FSTL5: variants seen among roughly 807,000 people sequenced by gnomAD.
FSTL5 encodes the protein follistatin like 5.
FSTL5 carries 62 observed loss-of-function variants against 89.1 expected under a neutral mutation model. The observed-to-expected ratio is 0.70, with a 90% CI of 0.57 to 0.86. The LOEUF (loss-of-function observed/expected upper bound fraction) is 0.86, where lower values mean the gene tolerates loss of function less well. Ranked by LOEUF, FSTL5 falls within the 40% of genes least tolerant of loss-of-function variation. FSTL5 has a pLI of 0.00. For missense variants in FSTL5, 1,057 were observed against 1,001.6 expected, an observed-to-expected ratio of 1.06 and a Z score of -0.75; for synonymous variants, 383 against 346.2, an observed-to-expected ratio of 1.11 and a Z score of -1.18.
At chr4:161,984,841 T>G (rs576069667) in intron 3 of FSTL5, among the ~76,000 whole-genome samples, 1 of 152,268 alleles carries the variant, frequency 6.6e-6, no homozygotes, top group South Asian at 2.1e-4. Context: ...TCAGAATAGT[T>G]TTTTAAAATT....
At chr4:162,076,486 A>G (rs2111322761) in intron 2 of FSTL5, among the ~76,000 whole-genome samples, 1 of 152,060 alleles carries the variant, frequency 6.6e-6, no homozygotes, top group South Asian at 2.1e-4. Flanking sequence ...GCTGCAGCTT[A>G]TTTCAAAATT....
intron 2 of FSTL5, chr4:162,047,710 A>T (rs1285860398): frequency 6.6e-6 from 1 of 152,332 alleles, no homozygotes. Flanking sequence ...CTGTAATCCC[A>T]GCTTTTTCGG....
chr4:161,811,348 T>C (rs1730140402), intron 4 of FSTL5, among the ~76,000 whole-genome samples: 1 of 152,206 alleles, frequency 6.6e-6, no homozygotes, highest in Non-Finnish European at 1.5e-5. Flanking sequence ...AATTATAAGA[T>C]TATTTTATAG....
chr4:161,577,165 A>G lies in FSTL5; in HGVS notation c.1015+10290T>C, dbSNP rs560429692. On this transcript the variant is annotated intron_variant, in intron 8 of 15. Transcript: ENST00000306100. Reference sequence around the variant, plus strand: ...ATTATGTACCAGACTCAGAGAACAAAATAGGTATTACTTAAAATTTCTAAA... The same window carrying G: ...ATTATGTACCAGACTCAGAGAACAAGATAGGTATTACTTAAAATTTCTAAA... Among the ~76,000 whole-genome samples the G allele has an allele frequency of 2.6e-5, 4 of 152,212 alleles. No homozygotes were observed. In the South Asian group the frequency reaches 6.2e-4, roughly 24 times the overall value.
chr4:161,938,920 C>A (rs1250522799), intron 3 of FSTL5, among the ~76,000 whole-genome samples: 1 of 151,732 alleles, frequency 6.6e-6, no homozygotes, highest in Non-Finnish European at 1.5e-5. Flanking sequence ...TTTCCAGCAT[C>A]AAATGTTAAT....
Position 161,982,827 on chromosome 4 carries a change from T to C in FSTL5, c.160+50798A>G, listed in dbSNP as rs1382144064. The stretch of plus-strand genomic sequence containing the variant: ...TCATGGACTCCTTGTTAGGTCTATG[T>C]ATTATTCTTTCGAAGTTAAGATTTT... On this transcript the variant is annotated intron_variant, in intron 3 of 15. Transcript: ENST00000306100. 2.0e-5 allele frequency among the ~76,000 whole-genome samples: 3 copies of C among 152,320 alleles called. No homozygotes were observed. In the East Asian group the frequency reaches 5.8e-4, roughly 29 times the overall value.
At chr4:161,965,935 G>A (rs1246024339) in intron 3 of FSTL5, among the ~76,000 whole-genome samples, 1 of 151,986 alleles carries the variant, frequency 6.6e-6, no homozygotes, top group Non-Finnish European at 1.5e-5. Flanking sequence ...TAAACTTAAG[G>A]ACTATTGACT....
intron 3 of FSTL5, among the ~76,000 whole-genome samples, chr4:161,965,844 G>A (rs951737012): frequency 3.3e-5 from 5 of 151,806 alleles, no homozygotes; most frequent in African/African-American, 1.2e-4. Context: ...CAAATTCCTT[G>A]GAATTTTTCT....
At chr4:161,666,212 C>A (rs1159338732) in intron 6 of FSTL5, among the ~76,000 whole-genome samples, 3 of 151,920 alleles carry the variant, frequency 2.0e-5, no homozygotes, top group African/African-American at 7.3e-5. Context: ...AAAATTTAAA[C>A]AACTCATTAA....
intron 4 of FSTL5, among the ~76,000 whole-genome samples, chr4:161,885,178 G>A (rs1001047269): frequency 1.3e-4 from 20 of 152,104 alleles, no homozygotes; most frequent in Middle Eastern, 3.4e-3. Flanking sequence ...TGTAAAATTT[G>A]CCATTTACGT....
chr4:161,403,749 A>C (rs77412978), intron 15 of FSTL5, among the ~76,000 whole-genome samples: 2,283 of 152,304 alleles, frequency 0.015, 51 homozygotes, highest in African/African-American at 0.052. Context: ...CCATTTTAAA[A>C]ATATCTACAG....
intron 2 of FSTL5, among the ~76,000 whole-genome samples, chr4:162,102,763 A>T (rs1412666182): frequency 6.8e-6 from 1 of 146,600 alleles, no homozygotes; most frequent in Non-Finnish European, 1.5e-5. Context: ...AAATATGTAT[A>T]ACATATTTAT....
At chr4:161,917,999 A>G (rs1373684865) in intron 4 of FSTL5, among the ~76,000 whole-genome samples, 1 of 152,174 alleles carries the variant, frequency 6.6e-6, no homozygotes, top group Admixed American at 6.6e-5. Flanking sequence ...TCTTTAAAAA[A>G]TCCCTAAATG....
intron 15 of FSTL5, among the ~76,000 whole-genome samples, chr4:161,453,587 A>C (rs1186341406): frequency 1.3e-5 from 2 of 152,032 alleles, no homozygotes; most frequent in Non-Finnish European, 2.9e-5. Context: ...CAAAATGTGT[A>C]ATAATAATAA....
At chr4:161,533,117 A>G (rs778849593) in intron 10 of FSTL5, among the ~76,000 whole-genome samples, 12 of 151,940 alleles carry the variant, frequency 7.9e-5, no homozygotes, top group Admixed American at 6.6e-5. Flanking sequence ...ACCTGCATCA[A>G]GAGGTTAGAA....
chr4:161,459,504 T>C (rs1733486128), intron 13 of FSTL5, among the ~76,000 whole-genome samples, 185 bp from the exon 14 acceptor site: 1 of 152,154 alleles, frequency 6.6e-6, no homozygotes. Flanking sequence ...TTCATATACA[T>C]GAATAAAGTA....
intron 15 of FSTL5, among the ~76,000 whole-genome samples, chr4:161,399,207 G>T (rs144085714): frequency 3.3e-5 from 5 of 151,958 alleles, no homozygotes; most frequent in African/African-American, 1.2e-4. Flanking sequence ...ACAACATAGG[G>T]GATAGTGGCA....
At chr4:161,740,493 A>G (rs754477595) in intron 6 of FSTL5, among the ~76,000 whole-genome samples, 5 of 152,144 alleles carry the variant, frequency 3.3e-5, no homozygotes, top group Admixed American at 2.6e-4. Context: ...AGCAAGTCCA[A>G]ACAAAAACAT....
At chr4:161,747,269 C>CA (rs1180044088) in intron 6 of FSTL5, among the ~76,000 whole-genome samples, 1 of 152,112 alleles carries the variant, frequency 6.6e-6, no homozygotes, top group Non-Finnish European at 1.5e-5. Flanking sequence ...TTTTAAGCTA[C>CA]AAAATACTTA....
Sources: allele counts gnomAD v4.1 joint callset (sites outside exome capture counted in the v4.1 genomes callset), GRCh38; gene constraint gnomAD v4.1.1; transcripts MANE v1.5; gene names NCBI Gene and HGNC (gene_info 2026-07-23, HGNC 2026-07-21).